Variants in EPB41 observed in about 807,000 individuals in gnomAD.
EPB41 encodes protein 4.1.
A neutral mutation model predicts 108.0 loss-of-function variants in EPB41; 65 were observed. The ratio of observed to expected loss-of-function variants is 0.60; its 90% confidence interval spans 0.49 to 0.74. The LOEUF (loss-of-function observed/expected upper bound fraction) is 0.74. Ranked by LOEUF, EPB41 falls within the 30% of genes least tolerant of loss-of-function variation. The pLI, the probability that EPB41 is intolerant of heterozygous loss-of-function variation, is 0.00. For synonymous variants in EPB41, 336 were observed against 358.9 expected (o/e 0.94, Z 0.72); for missense variants, 875 against 1,037.0 (o/e 0.84, Z 2.15).
At chr1:29,016,385 C>T (rs1194580867) in intron 6 of EPB41, among the ~76,000 whole-genome samples, 9 of 124,214 alleles carry the variant, frequency 7.2e-5, no homozygotes, top group Admixed American at 8.5e-5. Flanking sequence ...GGCGGGTTTT[C>T]GCCATGTTGG....
At chr1:29,062,955 C>T (rs764371915) in intron 15 of EPB41, among the ~76,000 whole-genome samples, 4 of 152,070 alleles carry the variant, frequency 2.6e-5, no homozygotes, top group Non-Finnish European at 5.9e-5. Flanking sequence ...CAAGCCAATC[C>T]GAAGCTAGGC....
rs1002746244 is a variant in EPB41, at chr1:29,019,978, T to G, written c.1124+1536T>G. 3.9e-5 allele frequency among the ~76,000 whole-genome samples: 6 copies of G among 152,358 alleles called. No individual in the cohort carries two copies. The East Asian group carries it at 7.7e-4, about 20-fold the overall frequency. On this transcript the variant is annotated intron_variant, in intron 7 of 20. Coordinates refer to ENST00000343067, the MANE Select transcript of EPB41 (RefSeq NM_001376013.1). ...GTTTTGACTTATTCCAGTACCAATG[T>G]CTGGAGTCACTAAATACACCACTTT... is the stretch of plus-strand genomic sequence containing the variant.
intron 1 of EPB41, among the ~76,000 whole-genome samples, chr1:28,945,391 C>T (rs2094455822): frequency 6.6e-6 from 1 of 151,998 alleles, no homozygotes; most frequent in Non-Finnish European, 1.5e-5. Flanking sequence ...TTATTGATGT[C>T]CTTGTCACAT....
intron 16 of EPB41, among the ~76,000 whole-genome samples, chr1:29,073,686 T>G (rs1652564188): frequency 6.6e-6 from 1 of 152,188 alleles, no homozygotes; most frequent in Non-Finnish European, 1.5e-5. Context: ...GCATCTATAT[T>G]TTGGGCCTCT....
intron 1 of EPB41, among the ~76,000 whole-genome samples, chr1:28,956,274 G>A (rs2094945784): frequency 6.6e-6 from 1 of 152,154 alleles, no homozygotes; most frequent in Non-Finnish European, 1.5e-5. Flanking sequence ...TCTCTGTTGG[G>A]TACTAATTAC....
At chr1:28,955,902 A>T (rs552455331) in intron 1 of EPB41, among the ~76,000 whole-genome samples, 18 of 152,384 alleles carry the variant, frequency 1.2e-4, no homozygotes, top group East Asian at 5.8e-4. Flanking sequence ...GAAAAATCAT[A>T]GTTAACTGTT....
chr1:28,933,065 A>G (rs1395973958), intron 1 of EPB41, among the ~76,000 whole-genome samples: 1 of 152,146 alleles, frequency 6.6e-6, no homozygotes, highest in African/African-American at 2.4e-5. Flanking sequence ...TAGTTTGTAT[A>G]TTTAATTTTT....
chr1:28,984,972 T>A (rs1420510449), intron 1 of EPB41, among the ~76,000 whole-genome samples: 1 of 145,360 alleles, frequency 6.9e-6, no homozygotes, highest in Non-Finnish European at 1.5e-5. Flanking sequence ...AAAAACTTTT[T>A]TTTTGTTTTT....
intron 1 of EPB41, among the ~76,000 whole-genome samples, chr1:28,889,357 G>A (rs181232223): frequency 6.6e-4 from 100 of 152,324 alleles, no homozygotes; most frequent in African/African-American, 2.3e-3. Context: ...TGGGTGGAGT[G>A]CCTGGGTGTA....
intron 16 of EPB41, among the ~76,000 whole-genome samples, chr1:29,090,498 C>T (rs1480514729): frequency 6.6e-6 from 1 of 152,044 alleles, no homozygotes; most frequent in Non-Finnish European, 1.5e-5. Context: ...CTCCTGTAAT[C>T]CCAGCACTTT....
chr1:28,983,982 A>C (rs773901063), intron 1 of EPB41, among the ~76,000 whole-genome samples: 40 of 140,964 alleles, frequency 2.8e-4, no homozygotes, highest in Admixed American at 5.9e-4. Context: ...AGGGGATTTT[A>C]TTGCTGATGA....
intron 16 of EPB41, among the ~76,000 whole-genome samples, chr1:29,082,447 T>C (rs1183925793): frequency 6.6e-6 from 1 of 152,198 alleles, no homozygotes; most frequent in Non-Finnish European, 1.5e-5. Flanking sequence ...TTTCTAGATA[T>C]CAAATTTTCT....
At chr1:29,046,348 C>T (rs1252419150) in intron 11 of EPB41, among the ~76,000 whole-genome samples, 4 of 151,936 alleles carry the variant, frequency 2.6e-5, no homozygotes, top group East Asian at 1.9e-4. Flanking sequence ...AGGCTGTTCT[C>T]GAACTCCTGA....
chr1:28,923,166 G>A (rs1485807258), intron 1 of EPB41, among the ~76,000 whole-genome samples: 2 of 132,670 alleles, frequency 1.5e-5, no homozygotes, highest in African/African-American at 2.9e-5. Flanking sequence ...AGGCTGGAGT[G>A]CAGTGATGGG....
intron 2 of EPB41, among the ~76,000 whole-genome samples, chr1:28,992,833 G>A (rs527676359): frequency 1.8e-4 from 27 of 152,300 alleles, no homozygotes; most frequent in African/African-American, 6.0e-4. Context: ...TTAGCTGGTA[G>A]TTAAAATTTT....
At chr1:28,995,329 C>T (rs974714785) in intron 3 of EPB41, among the ~76,000 whole-genome samples, 6 of 152,012 alleles carry the variant, frequency 3.9e-5, no homozygotes, top group South Asian at 4.2e-4. Flanking sequence ...TTTGGGAGGC[C>T]GAGGCAGGTG....
chr1:29,003,194 T>C (rs1304162802), intron 4 of EPB41, among the ~76,000 whole-genome samples: 5 of 152,242 alleles, frequency 3.3e-5, no homozygotes, highest in African/African-American at 1.2e-4. Flanking sequence ...TGTGAAATGA[T>C]TGAATCAGTA....
chr1:29,057,392 A>AAG (rs1553271012), intron 12 of EPB41, among the ~76,000 whole-genome samples: 44 of 150,054 alleles, frequency 2.9e-4, no homozygotes, highest in African/African-American at 7.9e-4. Context: ...AAAAAAAAAA[A>AAG]AAAAGAAAAA....
At chr1:28,999,118 C>G (rs1035834225) in intron 4 of EPB41, among the ~76,000 whole-genome samples, 1 of 152,142 alleles carries the variant, frequency 6.6e-6, no homozygotes, top group Admixed American at 6.5e-5. Flanking sequence ...CGCCTGTAAT[C>G]CCAGCACTTT....
Sources: allele counts gnomAD v4.1 joint callset (sites outside exome capture counted in the v4.1 genomes callset), GRCh38; gene constraint gnomAD v4.1.1; transcripts MANE v1.5; gene names NCBI Gene and HGNC (gene_info 2026-07-23, HGNC 2026-07-21).